ZNF765: variants seen among roughly 807,000 people sequenced by gnomAD.
The protein encoded by ZNF765 is zinc finger protein 765.
In ZNF765, 37 loss-of-function variants were observed where a neutral mutation model predicts 44.7. The ratio of observed to expected loss-of-function variants is 0.83; its 90% CI spans 0.64 to 1.09. The LOEUF (loss-of-function observed/expected upper bound fraction) is 1.09, where lower values mean the gene tolerates loss of function less well. Among genes scored for constraint, ZNF765 ranks in the 50% least tolerant of loss-of-function variants. The probability of loss-of-function intolerance (pLI) is 0.00; values close to 1 mark genes in which losing one functional copy is unlikely to be tolerated. For synonymous variants in ZNF765, 201 were observed against 213.7 expected (o/e 0.94, Z 0.52); for missense variants, 594 against 626.1 (o/e 0.95, Z 0.55).
At position 53,397,848 on chromosome 19, in the gene ZNF765, G is replaced by T. The variant is rs369863038; in HGVS notation, c.-73-95G>T. 317 of 1,249,722 alleles carry T rather than the reference G, an allele frequency of 2.5e-4. 1 individual carries two copies. The highest frequency in any genetic ancestry group is 7.7e-4 in the South Asian group (53 of 68,408). 77.4% of individuals were successfully genotyped at this position (1,249,722 alleles called of 1,614,324 possible). On this transcript the variant is annotated intron_variant, in intron 1 of 3. Transcript: ENST00000396408. ...TGGTCGGCAGCATAGGGGACCGTAT[G>T]TCCTCAGGATGAGGTCTCCTTTGTA... is the stretch of plus-strand genomic sequence containing the variant.
At chr19:53,401,576 TA>T (rs112431223) in intron 2 of ZNF765, among the ~76,000 whole-genome samples, 89,957 of 149,026 alleles carry the variant, frequency 0.6, 27,982 homozygotes, top group Non-Finnish European at 0.69. Flanking sequence ...AAAATAAAAA[TA>T]AAAAAAAAAA....
Position 53,407,900 on chromosome 19 carries a change from A to C in ZNF765, c.345A>C (p.Lys115Asn). Residue 115 changes from lysine to asparagine, a missense_variant, in exon 4 of 4, where the codon AAA becomes AAC. Lys to Asn is a moderately conservative substitution (Grantham distance 94). This residue lies in a region of ZNF765 where 567 missense variants were observed against 572.6 expected (regional missense o/e 0.99). Transcript: ENST00000396408. ...ATGGCCATGAAGCACTCATGACAAA[A>C]ATCAAAAAGTTGACAGGTAGTACAG... ...ERNGHEALMTKIKKLTGSTER... is the reference protein window; with the variant it reads ...ERNGHEALMTNIKKLTGSTER... 1 of 1,613,832 alleles carries C rather than the reference A, an allele frequency of 6.2e-7. No homozygotes were observed. Among genetic ancestry groups the C allele is most frequent in the Non-Finnish European group, 8.5e-7 (1 of 1,179,862 alleles).
intron 1 of ZNF765, among the ~76,000 whole-genome samples, chr19:53,395,419 A>G (rs1191208398): frequency 1.3e-5 from 2 of 152,110 alleles, no homozygotes; most frequent in African/African-American, 4.8e-5. Flanking sequence ...CAATGTATAC[A>G]CTTTCTATCA....
intron 3 of ZNF765, among the ~76,000 whole-genome samples, chr19:53,419,901 C>T (rs2085897249): frequency 6.6e-6 from 1 of 151,904 alleles, no homozygotes; most frequent in South Asian, 2.1e-4. Context: ...CGCCTGTAAT[C>T]CCAGCTAGTT....
chr19:53,397,575 G>A (rs2085683677), intron 1 of ZNF765, among the ~76,000 whole-genome samples: 1 of 152,180 alleles, frequency 6.6e-6, no homozygotes, highest in South Asian at 2.1e-4. Context: ...TAGAGATGGG[G>A]TTTCACCACG....
Position 53,408,815 on chromosome 19 carries a change from C to T in ZNF765, c.1260C>T (p.Phe420=). ...PYKCNECGKT[F]NQQLTLNICR... is the part of the protein sequence containing the mutation. Reference sequence around the variant, plus strand: ...AGTGTAATGAGTGTGGCAAGACCTTCAATCAGCAGTTAACCCTTAACATTT... The same window carrying T: ...AGTGTAATGAGTGTGGCAAGACCTTTAATCAGCAGTTAACCCTTAACATTT... Residue 420 remains phenylalanine (F), a synonymous_variant, in exon 4 of 4, where the codon TTC becomes TTT. Transcript: ENST00000396408. 2.5e-6 allele frequency: 4 copies of T among 1,613,970 alleles called. No individual in the cohort carries two copies. Among genetic ancestry groups the T allele is most frequent in the Non-Finnish European group, 3.4e-6 (4 of 1,179,986 alleles).
chr19:53,418,250 A>G (rs2085886405), intron 3 of ZNF765, among the ~76,000 whole-genome samples: 1 of 152,070 alleles, frequency 6.6e-6, no homozygotes, highest in Non-Finnish European at 1.5e-5. Flanking sequence ...AAATAGAAAA[A>G]ATTAGCCGGG....
intron 3 of ZNF765, among the ~76,000 whole-genome samples, chr19:53,407,020 A>T (rs1475144484): frequency 6.6e-6 from 1 of 151,464 alleles, no homozygotes; most frequent in Non-Finnish European, 1.5e-5. Flanking sequence ...TTGTATTAAC[A>T]TTTTTTTTCA....
At chr19:53,420,239 G>A (rs892179890) in intron 3 of ZNF765, among the ~76,000 whole-genome samples, 6 of 151,958 alleles carry the variant, frequency 3.9e-5, no homozygotes, top group Admixed American at 6.6e-5. Context: ...GGCTGAGGCA[G>A]GAGAAATGCT....
At position 53,402,143 on chromosome 19, in the gene ZNF765, C is replaced by T; in HGVS notation, c.94C>T (p.Leu32=). The change falls in exon 3 of 4, where the codon CTA becomes TTA. Residue 32 remains leucine (L), a synonymous_variant. Transcript: ENST00000396408. The stretch of plus-strand genomic sequence containing the variant: ...ATGCCTGGACCCTGCTCAGAGGACT[C>T]TATACAGGGACGTGATGCTGGAGAA... The part of the protein sequence containing the change: ...WKCLDPAQRT[L]YRDVMLENYR... The T allele has an allele frequency of 1.2e-6, 2 of 1,613,682 alleles. No homozygotes were observed. Among genetic ancestry groups the T allele is most frequent in the Non-Finnish European group, 1.7e-6 (2 of 1,179,970 alleles).
downstream of ZNF765, among the ~76,000 whole-genome samples, chr19:53,415,427 G>T (rs1221289957): frequency 6.6e-6 from 1 of 152,300 alleles, no homozygotes; most frequent in African/African-American, 2.4e-5. Flanking sequence ...TGTTGTATGT[G>T]ATTTCAGATG....
intron 3 of ZNF765, among the ~76,000 whole-genome samples, chr19:53,404,323 A>C (rs1419722559): frequency 6.6e-6 from 1 of 152,004 alleles, no homozygotes; most frequent in African/African-American, 2.4e-5. Flanking sequence ...TGATCCACCA[A>C]CCTCGGCCTC....
chr19:53,405,402 C>T (rs1459324232), intron 3 of ZNF765, among the ~76,000 whole-genome samples: 2 of 152,074 alleles, frequency 1.3e-5, no homozygotes, highest in African/African-American at 4.8e-5. Flanking sequence ...TAGTATGTGA[C>T]TCAGTCTCAA....
chr19:53,413,064 G>C, downstream of ZNF765: 1 of 336,304 alleles, frequency 3.0e-6, no homozygotes, highest in Non-Finnish European at 5.8e-6. Flanking sequence ...GAGCCGAGAT[G>C]GCGCCATTGC....
At chr19:53,405,876 C>A (rs2085767744) in intron 3 of ZNF765, among the ~76,000 whole-genome samples, 1 of 115,246 alleles carries the variant, frequency 8.7e-6, no homozygotes. Flanking sequence ...ATATTTTGTG[C>A]ATAGTGAACT....
chr19:53,426,072 C>G (rs2085937681), exon 4 of ZNF765: 1 of 152,382 alleles, frequency 6.6e-6, no homozygotes, highest in South Asian at 2.0e-4. Flanking sequence ...GGGAGGAGCT[C>G]TGAACTTCTC....
chr19:53,422,549 TTTA>T (rs1276307886), intron 3 of ZNF765, among the ~76,000 whole-genome samples: 9 of 151,924 alleles, frequency 5.9e-5, no homozygotes, highest in African/African-American at 2.2e-4. Context: ...TTCAGCTGGG[TTTA>T]TTTTTATTTT....
intron 1 of ZNF765, among the ~76,000 whole-genome samples, chr19:53,395,756 G>C (rs1227804741): frequency 1.3e-5 from 2 of 152,206 alleles, no homozygotes; most frequent in African/African-American, 4.8e-5. Flanking sequence ...CTGTGACACG[G>C]GGTGTTCTTG....
chr19:53,420,200 C>T lies in ZNF765; in HGVS notation c.143-2862C>T, dbSNP rs185562860. ...TACAAAAATTAGCTTGGCGTGGTGG[C>T]GCATGCCTGTAATCCCAGCTACTCA... is the stretch of plus-strand genomic sequence containing the variant. On this transcript the variant is annotated intron_variant, in intron 3 of 3. Transcript: ENST00000594030. Among the ~76,000 whole-genome samples, 999 of 151,810 alleles carry T rather than the reference C, an allele frequency of 6.6e-3. 11 individuals carry two copies. Among genetic ancestry groups the T allele is most frequent in the African/African-American group, 0.023 (940 of 41,362 alleles).
Sources: gnomAD v4.1 joint callset for allele counts (sites outside exome capture counted in the v4.1 genomes callset) on GRCh38, gnomAD v4.1.1 for gene constraint, gnomAD v4.1.1 regional missense constraint, MANE v1.5 for transcripts, NCBI Gene and HGNC (gene_info 2026-07-23, HGNC 2026-07-21) for gene names.